The following SORCS3 variants were observed in gnomAD, a reference collection of about 807,000 sequenced individuals.
SORCS3 encodes the protein VPS10 domain-containing receptor SorCS3.
A neutral mutation model predicts 146.3 loss-of-function variants in SORCS3; 57 were observed. The ratio of observed to expected loss-of-function variants is 0.39; its 90% CI spans 0.31 to 0.49. The LOEUF is 0.49. SORCS3 is among the 20% of genes least tolerant of loss of function. The probability of loss-of-function intolerance (pLI) is 0.92; values close to 1 mark genes in which losing one functional copy is unlikely to be tolerated. For synonymous variants in SORCS3, 653 were observed against 618.5 expected (o/e 1.06, Z -0.83); for missense variants, 1,341 against 1,575.5 (o/e 0.85, Z 2.52).
At chr10:104,939,951 C>A (rs950454370) in intron 3 of SORCS3, among the ~76,000 whole-genome samples, 8 of 151,544 alleles carry the variant, frequency 5.3e-5, no homozygotes, top group African/African-American at 1.9e-4. Flanking sequence ...ATCCAGACAC[C>A]AAGGGAGGGT....
chr10:104,738,732 G>T (rs2016807273), intron 1 of SORCS3, among the ~76,000 whole-genome samples: 1 of 152,188 alleles, frequency 6.6e-6, no homozygotes, highest in Non-Finnish European at 1.5e-5. Context: ...CACAGACAAA[G>T]TTGGGTTCAT....
intron 7 of SORCS3, among the ~76,000 whole-genome samples, chr10:105,119,689 T>G (rs2055917867): frequency 6.6e-6 from 1 of 152,164 alleles, no homozygotes; most frequent in South Asian, 2.1e-4. Flanking sequence ...ACTTTAAGGT[T>G]TAATGGCTGC....
intron 2 of SORCS3, among the ~76,000 whole-genome samples, chr10:104,905,443 A>G (rs185294773): frequency 6.6e-6 from 1 of 152,302 alleles, no homozygotes; most frequent in Admixed American, 6.5e-5. Flanking sequence ...ACAAAGGAGC[A>G]TCTGCTTTGC....
At chr10:104,903,663 T>G (rs1934592) in intron 2 of SORCS3, among the ~76,000 whole-genome samples, 73,975 of 152,062 alleles carry the variant, frequency 0.49, 21,421 homozygotes, top group African/African-American at 0.82. Context: ...TGACCCCTGG[T>G]AGCCTCCATG....
intron 23 of SORCS3, among the ~76,000 whole-genome samples, chr10:105,253,233 A>C (rs982802250): frequency 1.3e-5 from 2 of 152,174 alleles, no homozygotes; most frequent in Non-Finnish European, 2.9e-5. Context: ...AGACAGAGAG[A>C]GAAAGAAGGG....
intron 22 of SORCS3, among the ~76,000 whole-genome samples, chr10:105,248,676 C>G (rs1429051408): frequency 6.9e-6 from 1 of 143,986 alleles, no homozygotes; most frequent in South Asian, 2.1e-4. Context: ...TATTGCGCCA[C>G]TGCACTCCAG....
chr10:104,850,972 A>G (rs1217110883), intron 2 of SORCS3, among the ~76,000 whole-genome samples: 1 of 152,222 alleles, frequency 6.6e-6, no homozygotes, highest in Non-Finnish European at 1.5e-5. Flanking sequence ...ACTGATGGAT[A>G]TTATCCAGTT....
At position 105,147,695 on chromosome 10, in the gene SORCS3, C is replaced by T. The variant is rs2056141244; in HGVS notation, c.1381C>T (p.Leu461Phe). The change falls in exon 9 of 27, where the codon CTC becomes TTC. Residue 461 changes from leucine to phenylalanine, a missense_variant. Transcript: ENST00000369701. Reference protein sequence around the residue: ...QEWNQNDTYNLYISDTRGIYF... With the variant: ...QEWNQNDTYNFYISDTRGIYF... The stretch of plus-strand genomic sequence containing the variant: ...ATGGAACCAGAACGACACGTACAAC[C>T]TCTACATCTCAGACACGCGTGGGAT... The T allele has an allele frequency of 1.2e-6, 2 of 1,613,062 alleles. No homozygotes were observed. Among genetic ancestry groups the T allele is most frequent in the Middle Eastern group, 1.6e-4 (1 of 6,070 alleles).
chr10:105,236,977 C>T (rs907304484), intron 20 of SORCS3, among the ~76,000 whole-genome samples: 2 of 152,038 alleles, frequency 1.3e-5, no homozygotes, highest in Admixed American at 1.3e-4. Flanking sequence ...TATATTATGC[C>T]ATATTATGAG....
At chr10:104,942,806 A>C (rs201390776) in intron 3 of SORCS3, among the ~76,000 whole-genome samples, 1 of 152,254 alleles carries the variant, frequency 6.6e-6, no homozygotes, top group Non-Finnish European at 1.5e-5. Context: ...GTAGTTTTTA[A>C]GAAGCCAAAA....
intron 7 of SORCS3, among the ~76,000 whole-genome samples, chr10:105,111,465 A>G (rs2055858546): frequency 6.6e-6 from 1 of 152,186 alleles, no homozygotes; most frequent in Non-Finnish European, 1.5e-5. Context: ...ACACCATCCT[A>G]TTCTCAGGAA....
chr10:105,258,754 A>C (rs889615468), intron 25 of SORCS3, among the ~76,000 whole-genome samples: 5 of 152,190 alleles, frequency 3.3e-5, no homozygotes, highest in Non-Finnish European at 7.3e-5. Flanking sequence ...TGACATCTCT[A>C]AAAAATTCTA....
chr10:104,992,078 A>G (rs1219704179), intron 4 of SORCS3, among the ~76,000 whole-genome samples: 2 of 152,290 alleles, frequency 1.3e-5, no homozygotes, highest in Non-Finnish European at 2.9e-5. Context: ...GCTGTGTAGC[A>G]TGAGATATTC....
rs528953580 is a variant in SORCS3, at chr10:105,101,585, C to T, written c.1094-3812C>T. On this transcript the variant is annotated intron_variant, in intron 6 of 26. Coordinates refer to ENST00000369701, the MANE Select transcript of SORCS3 (RefSeq NM_014978.3). ...ATACTGAGCAGTGGCAAGTAGAGAGCGAGCCAAGAACTAGGACAAGCTTGG... is the reference window on the plus strand; with the variant it reads ...ATACTGAGCAGTGGCAAGTAGAGAGTGAGCCAAGAACTAGGACAAGCTTGG... Among the ~76,000 whole-genome samples the T allele has an allele frequency of 1.4e-4, 22 of 152,250 alleles. No individual in the cohort carries two copies. In the East Asian group the frequency reaches 1.9e-3, roughly 13 times the overall value.
intron 7 of SORCS3, among the ~76,000 whole-genome samples, chr10:105,132,992 C>G (rs898578143): frequency 2.0e-5 from 3 of 152,180 alleles, no homozygotes; most frequent in African/African-American, 7.2e-5. Context: ...TTATTTCTTT[C>G]TTGTGTGCCA....
chr10:104,780,620 T>C (rs914034255), intron 1 of SORCS3, among the ~76,000 whole-genome samples: 15 of 152,244 alleles, frequency 9.9e-5, no homozygotes, highest in Non-Finnish European at 1.8e-4. Flanking sequence ...GCTCCTTTTG[T>C]GAGCTGCTGA....
chr10:105,228,383 TTC>T (rs983128387), intron 20 of SORCS3, among the ~76,000 whole-genome samples: 9 of 151,876 alleles, frequency 5.9e-5, no homozygotes, highest in Admixed American at 3.3e-4. Context: ...TTTTCTTTCT[TTC>T]TCTCTTTCCT....
chr10:105,158,861 T>C (rs1265380348), intron 10 of SORCS3, 31 bp from the exon 11 acceptor site: 1 of 1,553,710 alleles, frequency 6.4e-7, no homozygotes, highest in African/African-American at 1.4e-5. Context: ...TGGAATTTCC[T>C]AGAATGAAAC....
At chr10:104,953,767 A>G (rs976329580) in intron 3 of SORCS3, among the ~76,000 whole-genome samples, 3 of 152,242 alleles carry the variant, frequency 2.0e-5, no homozygotes, top group Non-Finnish European at 4.4e-5. Flanking sequence ...TCTACAATGT[A>G]CCAGACATTG....
Sources: gnomAD v4.1 joint callset for allele counts (sites outside exome capture counted in the v4.1 genomes callset) on GRCh38, gnomAD v4.1.1 for gene constraint, MANE v1.5 for transcripts, NCBI Gene and HGNC (gene_info 2026-07-23, HGNC 2026-07-21) for gene names.